The following TRIM67 variants were observed in gnomAD, a reference collection of about 807,000 sequenced individuals.
The protein encoded by TRIM67 is tripartite motif containing 67, also known as tripartite motif-containing protein 67.
A neutral mutation model predicts 71.0 loss-of-function variants in TRIM67; 39 were observed. That is an observed-to-expected ratio of 0.55 (90% CI 0.43 to 0.72). The LOEUF (loss-of-function observed/expected upper bound fraction) is 0.72. TRIM67 is among the 30% of genes least tolerant of loss of function. The pLI is 0.00. For missense variants in TRIM67, 973 were observed against 1,079.2 expected, an observed-to-expected ratio of 0.90 and a Z score of 1.38; for synonymous variants, 481 against 473.9, an observed-to-expected ratio of 1.01 and a Z score of -0.19.
chr1:231,192,840 T>A (rs902683694), intron 1 of TRIM67, among the ~76,000 whole-genome samples: 5 of 152,256 alleles, frequency 3.3e-5, no homozygotes, highest in African/African-American at 1.2e-4. Context: ...GCAAGTCTGA[T>A]GGACCTGGAA....
chr1:231,204,103 T>G lies in TRIM67; in HGVS notation c.1680+91T>G. 1.9e-6 allele frequency: 3 copies of G among 1,549,180 alleles called. No individual in the cohort carries two copies. The South Asian group carries it at 3.6e-5, about 19-fold the overall frequency. The stretch of plus-strand genomic sequence containing the variant: ...CTGCCCCAGACTCTGGTTCAGCCCA[T>G]GGGGACATTGTGTTGCCATCCTGAG... On this transcript the variant is annotated intron_variant, in intron 6 of 9. Coordinates refer to ENST00000366653, the MANE Select transcript of TRIM67 (RefSeq NM_001004342.5).
At position 231,219,627 on chromosome 1, in the gene TRIM67, AC is replaced by A; in HGVS notation, c.*4189del. The A allele has an allele frequency of 8.8e-7, 1 of 1,142,112 alleles. No homozygotes were observed. Among genetic ancestry groups the A allele is most frequent in the Non-Finnish European group, 1.1e-6 (1 of 920,054 alleles). 70.7% of individuals were successfully genotyped at this position (1,142,112 alleles called of 1,614,324 possible). ...CACTTCCTAGAAAGCAAAACTCGTT[AC>A]CTTTGTTTTCCTTGGCCACATTTTA... is the stretch of plus-strand genomic sequence containing the variant. On this transcript the variant is annotated 3_prime_UTR_variant, in exon 10 of 10. Coordinates refer to ENST00000366653, the MANE Select transcript of TRIM67 (RefSeq NM_001004342.5).
intron 1 of TRIM67, among the ~76,000 whole-genome samples, chr1:231,165,411 T>C (rs1682427015): frequency 6.6e-6 from 1 of 152,226 alleles, no homozygotes; most frequent in South Asian, 2.1e-4. Context: ...ATACTGTATG[T>C]TTAGCCTCTA....
At position 231,208,985 on chromosome 1, in the gene TRIM67, G is replaced by A. The variant is rs1362073253; in HGVS notation, c.1858G>A (p.Asp620Asn). The change falls in exon 8 of 10, where the codon GAC (aspartate) becomes AAC (asparagine). Residue 620 changes from aspartate (D) to asparagine (N), a missense_variant. Asp to Asn is a conservative substitution (Grantham distance 23). This residue lies in a region of TRIM67 where 178 missense variants were observed against 247.9 expected (regional missense o/e 0.72). Coordinates refer to ENST00000366653, the MANE Select transcript of TRIM67 (RefSeq NM_001004342.5). ...ATTTGACCCCAACTCTGGGCATCGG[G>A]ACATCATTTTATCCAATGACAACCA... ...FTFDPNSGHR[D>N]IILSNDNQTA... The A allele has an allele frequency of 6.2e-7, 1 of 1,605,900 alleles. No homozygotes were observed. The highest frequency in any genetic ancestry group is 8.5e-7 in the Non-Finnish European group (1 of 1,173,812).
At chr1:231,173,670 A>G (rs748968857) in intron 1 of TRIM67, among the ~76,000 whole-genome samples, 7 of 152,226 alleles carry the variant, frequency 4.6e-5, no homozygotes, top group African/African-American at 7.2e-5. Context: ...AGAAGTGTAC[A>G]GGGCCTGGCG....
chr1:231,217,607 C>T lies in TRIM67; in HGVS notation c.*2167C>T, dbSNP rs985860242. On this transcript the variant is annotated 3_prime_UTR_variant, in exon 10 of 10. Coordinates refer to ENST00000366653, the MANE Select transcript of TRIM67 (RefSeq NM_001004342.5). Reference sequence around the variant, plus strand: ...CTCTTCTGAAAAAAAAACAGGCCTACACCCTGCCCCCAGAATGAGAGTGGG... The same window carrying T: ...CTCTTCTGAAAAAAAAACAGGCCTATACCCTGCCCCCAGAATGAGAGTGGG... 11 of 1,116,704 alleles carry T rather than the reference C, an allele frequency of 9.9e-6. No individual in the cohort carries two copies. The African/African-American group carries it at 1.3e-4, about 13-fold the overall frequency. The allele number at this position is 1,116,704 out of a possible 1,614,324, so 69.2% of individuals were successfully genotyped here. A position where few individuals can be genotyped will look rare whatever the true frequency, so the allele number is the denominator to read the frequency against.
rs552549472 is a variant in TRIM67, at chr1:231,165,175, A to G, written c.1044+1162A>G. Among the ~76,000 whole-genome samples, 271 of 152,294 alleles carry G rather than the reference A, an allele frequency of 1.8e-3. 2 individuals carry two copies. Among genetic ancestry groups the G allele is most frequent in the African/African-American group, 6.1e-3 (255 of 41,550 alleles). ...CACTGGAATCTAGTGGATAGAGGCC[A>G]GGGAAGCTGATAAACATTCTACAGT... On this transcript the variant is annotated intron_variant, in intron 1 of 9. Transcript: ENST00000366653.
At chr1:231,190,918 A>T (rs1558298885) in intron 1 of TRIM67, among the ~76,000 whole-genome samples, 1 of 152,138 alleles carries the variant, frequency 6.6e-6, no homozygotes, top group African/African-American at 2.4e-5. Flanking sequence ...CATCCCTGTG[A>T]GTCACCTCCA....
chr1:231,163,160 C>G lies in TRIM67; in HGVS notation c.191C>G (p.Ala64Gly). 1.3e-5 allele frequency: 19 copies of G among 1,509,512 alleles called. No homozygotes were observed. Among genetic ancestry groups the G allele is most frequent in the Non-Finnish European group, 1.7e-5 (19 of 1,128,068 alleles). 93.5% of individuals were successfully genotyped at this position (1,509,512 alleles called of 1,614,324 possible). ...GGGCTGCAGGCGGGCGCCGCCGCCG[C>G]TGCCTCTCTGGAGCACGACGCTGCG... is the stretch of plus-strand genomic sequence containing the variant. ...GSGLQAGAAA[A>G]ASLEHDAAAG... The change falls in exon 1 of 10, where the codon GCT becomes GGT. Residue 64 changes from alanine (A) to glycine (G), a missense_variant. Around this residue, in one of 2 missense-constraint regions of TRIM67, gnomAD observed 795 missense variants for 831.3 expected, o/e 0.96. Coordinates refer to ENST00000366653, the MANE Select transcript of TRIM67 (RefSeq NM_001004342.5).
At chr1:231,198,617 C>T (rs1484672782) in intron 2 of TRIM67, among the ~76,000 whole-genome samples, 2 of 152,140 alleles carry the variant, frequency 1.3e-5, no homozygotes, top group Non-Finnish European at 2.9e-5. Context: ...AACTCCCAAC[C>T]TCAGGTGATC....
rs1309557247 is a variant in TRIM67, at chr1:231,220,833, G to C, written c.*5393G>C. The C allele has an allele frequency of 1.3e-5, 2 of 152,330 alleles. No individual in the cohort carries two copies. The highest frequency in any genetic ancestry group is 2.4e-5 in the African/African-American group (1 of 41,466). 9.4% of individuals were successfully genotyped at this position (152,330 alleles called of 1,614,324 possible). A position where few individuals can be genotyped will look rare whatever the true frequency, so the allele number is the denominator to read the frequency against. On this transcript the variant is annotated 3_prime_UTR_variant, in exon 10 of 10. Transcript: ENST00000366653. Reference sequence around the variant, plus strand: ...CTGGGAAAGGCCTAGGGACCTGTGGGCCGGTGATGCGGGCACTGCAGACCA... The same window carrying C: ...CTGGGAAAGGCCTAGGGACCTGTGGCCCGGTGATGCGGGCACTGCAGACCA...
Position 231,162,820 on chromosome 1 carries a change from G to T in TRIM67, c.-150G>T. 4 of 990,180 alleles carry T rather than the reference G, an allele frequency of 4.0e-6. No individual in the cohort carries two copies. Among genetic ancestry groups the T allele is most frequent in the Non-Finnish European group, 5.8e-6 (4 of 690,244 alleles). 61.3% of individuals were successfully genotyped at this position (990,180 alleles called of 1,614,324 possible). ...CGGTGGCTACAGGACAGAGAGAGGG[G>T]CGTGCCCCTCGGCTGTGAAGTGGGC... On this transcript the variant is annotated 5_prime_UTR_variant, in exon 1 of 10. Coordinates refer to ENST00000366653, the MANE Select transcript of TRIM67 (RefSeq NM_001004342.5).
At chr1:231,168,739 T>C (rs545812820) in intron 1 of TRIM67, among the ~76,000 whole-genome samples, 7 of 152,360 alleles carry the variant, frequency 4.6e-5, no homozygotes, top group Admixed American at 1.3e-4. Context: ...CCCTCAACAA[T>C]TGATTTAACA....
chr1:231,213,443 T>C (rs1249162603), intron 8 of TRIM67, among the ~76,000 whole-genome samples: 4 of 152,190 alleles, frequency 2.6e-5, no homozygotes, highest in Non-Finnish European at 5.9e-5. Context: ...TATAATTTTC[T>C]TGGCCGGGTA....
intron 3 of TRIM67, among the ~76,000 whole-genome samples, chr1:231,199,863 G>A (rs1407404077): frequency 6.6e-6 from 1 of 152,216 alleles, no homozygotes; most frequent in Non-Finnish European, 1.5e-5. Context: ...CTGATTGTAT[G>A]GAGAGTTCCA....
chr1:231,216,042 CCT>C lies in TRIM67; in HGVS notation c.*608_*609del, dbSNP rs1385118018. The C allele has an allele frequency of 1.0e-6, 1 of 985,346 alleles. No homozygotes were observed. Among genetic ancestry groups the C allele is most frequent in the African/African-American group, 1.7e-5 (1 of 57,218 alleles). 61.0% of individuals were successfully genotyped at this position (985,346 alleles called of 1,614,324 possible). A position where few individuals can be genotyped will look rare whatever the true frequency, so the allele number is the denominator to read the frequency against. On this transcript the variant is annotated 3_prime_UTR_variant, in exon 10 of 10. Coordinates refer to ENST00000366653, the MANE Select transcript of TRIM67 (RefSeq NM_001004342.5). Reference sequence around the variant, plus strand: ...ATTAATCATTCATGCTTGACTTTTGCCTCTCTCACTGAAGTGTTAGAACCTTT... The same window carrying C: ...ATTAATCATTCATGCTTGACTTTTGCCTCTCACTGAAGTGTTAGAACCTTT...
intron 4 of TRIM67, 47 bp from the exon 5 acceptor site, chr1:231,201,311 T>G (rs1683513304): frequency 6.4e-7 from 1 of 1,574,016 alleles, no homozygotes. Context: ...GGCTGCACAA[T>G]TTTTCCTTTG....
chr1:231,183,876 T>A (rs1242485267), intron 1 of TRIM67, among the ~76,000 whole-genome samples: 3 of 152,088 alleles, frequency 2.0e-5, no homozygotes, highest in Non-Finnish European at 2.9e-5. Flanking sequence ...ACAGGGTCAG[T>A]GAGCTGGGAT....
Position 231,218,502 on chromosome 1 carries a change from GA to G in TRIM67, c.*3066del. 1.0e-6 allele frequency: 1 copy of G among 985,392 alleles called. No individual in the cohort carries two copies. The highest frequency in any genetic ancestry group is 1.2e-6 in the Non-Finnish European group (1 of 829,950). The allele number at this position is 985,392 out of a possible 1,614,324, so 61.0% of individuals were successfully genotyped here. A position where few individuals can be genotyped will look rare whatever the true frequency, so the allele number is the denominator to read the frequency against. ...TTTCCTTTTAAAATTAATCTCTTCC[GA>G]AAATATCCACTAGCACCTCACTGCA... On this transcript the variant is annotated 3_prime_UTR_variant, in exon 10 of 10. Transcript: ENST00000366653.
Sources: gnomAD v4.1 joint callset for allele counts (sites outside exome capture counted in the v4.1 genomes callset) on GRCh38, gnomAD v4.1.1 for gene constraint, gnomAD v4.1.1 regional missense constraint, MANE v1.5 for transcripts, NCBI Gene and HGNC (gene_info 2026-07-23, HGNC 2026-07-21) for gene names.